The following RGS10 variants were observed in gnomAD, a reference collection of about 807,000 sequenced individuals.
RGS10 encodes regulator of G-protein signalling 10.
In RGS10, 11 loss-of-function variants were observed where a neutral mutation model predicts 23.5. That is an observed-to-expected ratio of 0.47 (90% confidence interval 0.29 to 0.77). The LOEUF (loss-of-function observed/expected upper bound fraction) is 0.77. RGS10 is among the 30% of genes least tolerant of loss of function. The pLI, the probability that RGS10 is intolerant of heterozygous loss-of-function variation, is 0.08. For synonymous variants in RGS10, 77 were observed against 83.2 expected (o/e 0.92, Z 0.41); for missense variants, 180 against 226.3 (o/e 0.80, Z 1.31).
intron 1 of RGS10, among the ~76,000 whole-genome samples, chr10:119,537,107 T>C (rs1352312867): frequency 2.6e-5 from 4 of 152,100 alleles, no homozygotes; most frequent in Non-Finnish European, 5.9e-5. Flanking sequence ...TTAAAAATAG[T>C]TGAGGCCAGG....
Position 119,526,046 on chromosome 10 carries a change from G to T in RGS10, c.241C>A (p.Gln81Lys), listed in dbSNP as rs1372968913. 2 of 1,564,942 alleles carry T rather than the reference G, an allele frequency of 1.3e-6. No individual in the cohort carries two copies. Among genetic ancestry groups the T allele is most frequent in the Non-Finnish European group, 1.7e-6 (2 of 1,152,880 alleles). Residue 81 changes from glutamine to lysine, a missense_variant, in exon 3 of 5, where the codon CAA becomes AAA. By Grantham distance (53) the Gln-to-Lys change is moderately conservative. Transcript: ENST00000369103. ...GGAGGAAATACCTGCGTCTTATCTT[G>T]CATTTTCTTAAAATCTTCACATGCT... ...WLACEDFKKMQDKTQMQEKAK... is the reference protein window; with the variant it reads ...WLACEDFKKMKDKTQMQEKAK...
intron 1 of RGS10, among the ~76,000 whole-genome samples, chr10:119,529,318 G>A (rs1283112605): frequency 6.6e-6 from 1 of 152,112 alleles, no homozygotes; most frequent in African/African-American, 2.4e-5. Context: ...GCTGGGTGTG[G>A]TGGTGGGTGC....
In RGS10 at chr10:119,542,125, C is replaced by T. The variant is rs1844439616; in HGVS notation, c.49+465G>A. Among the ~76,000 whole-genome samples the T allele has an allele frequency of 2.0e-5, 3 of 152,168 alleles. No homozygotes were observed. In the South Asian group the frequency reaches 6.2e-4, roughly 32 times the overall value. On this transcript the variant is annotated intron_variant, in intron 1 of 4. Coordinates refer to ENST00000369103, the MANE Select transcript of RGS10 (RefSeq NM_001005339.2). ...TGGCTCCTCGCGGCAGAAGCGAAGG[C>T]CCCCGACGCCCCAGGCCCAGGGGCC...
intron 4 of RGS10, among the ~76,000 whole-genome samples, chr10:119,501,695 C>T (rs1475985217): frequency 6.6e-6 from 1 of 151,882 alleles, no homozygotes; most frequent in Non-Finnish European, 1.5e-5. Flanking sequence ...TGCACTCCAG[C>T]CTGGGCAACA....
intron 4 of RGS10, among the ~76,000 whole-genome samples, chr10:119,508,181 G>A (rs764973936): frequency 2.2e-4 from 34 of 151,916 alleles, no homozygotes; most frequent in Admixed American, 7.2e-4. Context: ...TGTATTATTC[G>A]TAGAGACGAA....
intron 4 of RGS10, among the ~76,000 whole-genome samples, chr10:119,507,005 A>G (rs1013353979): frequency 6.6e-6 from 1 of 152,004 alleles, no homozygotes; most frequent in Non-Finnish European, 1.5e-5. Flanking sequence ...AGCACCAAAT[A>G]CCATTTTAAA....
rs1844246662 is a variant in RGS10, at chr10:119,524,049, A to G, written c.255+1983T>C. ...CTCCCGGGAACCCCCTCCCAATCTC[A>G]ATGCCAAGTCTCAGCTAAAAAGCCA... On this transcript the variant is annotated intron_variant, in intron 3 of 4. Transcript: ENST00000369103. This position sits in a 1 kb window ranked among gnomAD's most constrained non-coding sequence, Gnocchi z 5.2. Among the ~76,000 whole-genome samples the G allele has an allele frequency of 2.6e-5, 4 of 151,772 alleles. No homozygotes were observed.
rs1431695903 is a variant in RGS10, at chr10:119,527,546, G to A, written c.50-122C>T. 1.2e-5 allele frequency: 9 copies of A among 751,118 alleles called. No individual in the cohort carries two copies. The highest frequency in any genetic ancestry group is 2.1e-5 in the Non-Finnish European group (9 of 426,642). 46.5% of individuals were successfully genotyped at this position (751,118 alleles called of 1,614,324 possible). A position where few individuals can be genotyped will look rare whatever the true frequency, so the allele number is the denominator to read the frequency against. On this transcript the variant is annotated intron_variant, in intron 1 of 4. Transcript: ENST00000369103. The surrounding 1 kb of genome is among the most constrained non-coding windows in gnomAD (Gnocchi z 4.2). ...TGACATACACCGACTTATGCGTCAG[G>A]CTCTGTTCTAGGTGCTTAACATGAT...
At chr10:119,506,093 C>T (rs115383409) in intron 4 of RGS10, among the ~76,000 whole-genome samples, 9 of 152,198 alleles carry the variant, frequency 5.9e-5, no homozygotes, top group South Asian at 2.1e-4. Flanking sequence ...TGTACCCACG[C>T]GAGGAGACAG....
chr10:119,530,292 G>A (rs972850928), intron 1 of RGS10, among the ~76,000 whole-genome samples: 7 of 151,934 alleles, frequency 4.6e-5, no homozygotes, highest in Admixed American at 3.3e-4. Context: ...TTCTATGGGG[G>A]GTCAAAATAC....
chr10:119,500,497 A>G (rs780363984), intron 4 of RGS10, among the ~76,000 whole-genome samples: 11 of 151,996 alleles, frequency 7.2e-5, no homozygotes, highest in Non-Finnish European at 1.5e-4. Flanking sequence ...ATATGCCTTT[A>G]TTTTCCACGG....
intron 1 of RGS10, among the ~76,000 whole-genome samples, chr10:119,542,048 A>C (rs2133963755): frequency 6.6e-6 from 1 of 152,334 alleles, no homozygotes; most frequent in East Asian, 1.9e-4. Context: ...CTCGGACCGC[A>C]GAAGTGCCCT....
At chr10:119,533,039 C>CA (rs537478454) in intron 1 of RGS10, among the ~76,000 whole-genome samples, 92,011 of 103,894 alleles carry the variant, frequency 0.89, 40,623 homozygotes, top group East Asian at 0.91. Flanking sequence ...GACGCTGTCT[C>CA]AAAAAAAAAA....
chr10:119,515,487 G>A, intron 4 of RGS10, 22 bp downstream of exon 4: 3 of 1,613,550 alleles, frequency 1.9e-6, no homozygotes, highest in Non-Finnish European at 2.5e-6. Context: ...AAATCAAGGT[G>A]CAGGCAGGGA....
chr10:119,523,034 G>A (rs965919128), intron 3 of RGS10, among the ~76,000 whole-genome samples: 1 of 138,392 alleles, frequency 7.2e-6, no homozygotes. Context: ...GGTATTTTTT[G>A]TAGAGACAAG....
At chr10:119,509,263 T>G (rs1381401194) in intron 4 of RGS10, among the ~76,000 whole-genome samples, 1 of 151,878 alleles carries the variant, frequency 6.6e-6, no homozygotes, top group Non-Finnish European at 1.5e-5. Context: ...AGGGAGCAAG[T>G]CTTGTCCACA....
rs1014403957 is a variant in RGS10 at position 119,524,154 on chromosome 10, G to A, written c.255+1878C>T. On this transcript the variant is annotated intron_variant, in intron 3 of 4. Transcript: ENST00000369103. The surrounding 1 kb of genome is among the most constrained non-coding windows in gnomAD (Gnocchi z 5.2). ...TCCCATCTCTACACTCATTGCACTT[G>A]CACAGGCTTGCTCCCCTTGAGGTGC... Among the ~76,000 whole-genome samples the A allele has an allele frequency of 6.6e-6, 1 of 152,180 alleles. No homozygotes were observed. The highest frequency in any genetic ancestry group is 1.5e-5 in the Non-Finnish European group (1 of 68,042).
intron 4 of RGS10, among the ~76,000 whole-genome samples, chr10:119,506,279 C>T (rs1363906814): frequency 6.6e-6 from 1 of 152,240 alleles, no homozygotes; most frequent in African/African-American, 2.4e-5. Context: ...AGCTGGCAGA[C>T]AGCAGATGAG....
intron 4 of RGS10, among the ~76,000 whole-genome samples, chr10:119,507,017 T>C (rs1488805955): frequency 6.6e-6 from 1 of 152,156 alleles, no homozygotes; most frequent in Non-Finnish European, 1.5e-5. Flanking sequence ...CATTTTAAAG[T>C]TGCAAGAAAC....
Sources: gnomAD v4.1 joint callset for allele counts (sites outside exome capture counted in the v4.1 genomes callset) on GRCh38, gnomAD v4.1.1 for gene constraint, Gnocchi (gnomAD v3.1) non-coding constraint, MANE v1.5 for transcripts, NCBI Gene and HGNC (gene_info 2026-07-23, HGNC 2026-07-21) for gene names.